MCTS1: variants seen among roughly 807,000 people sequenced by gnomAD.
The protein encoded by MCTS1 is malignant T-cell-amplified sequence 1.
For synonymous variants in MCTS1, 26 were observed against 40.8 expected (o/e 0.64, Z 1.38); for missense variants, 55 against 128.6 (o/e 0.43, Z 2.77).
rs1238755543 is a variant in MCTS1 at position 120,604,264 on chromosome X, G to A, written c.11+17G>A. ...GTTCAAGAAGTAAGGACATGCTGTG[G>A]CCTCCATCGGCTGCTCACAAAGGCG... On this transcript the variant is annotated intron_variant, in intron 1 of 5. Transcript: ENST00000371317. The A allele has an allele frequency of 8.3e-7, 1 of 1,203,207 alleles. No homozygotes were observed. Among genetic ancestry groups the A allele is most frequent in the Non-Finnish European group, 1.1e-6 (1 of 892,223 alleles).
chrX:120,605,337 A>C, intron 1 of MCTS1, 70 bp from the exon 2 acceptor site: 2 of 938,405 alleles, frequency 2.1e-6, no homozygotes, highest in Non-Finnish European at 2.9e-6. Flanking sequence ...TAATTAGAAC[A>C]GTACCTTTAG....
At chrX:120,610,754 A>G in intron 4 of MCTS1, 1 of 275,588 alleles carries the variant, frequency 3.6e-6, no homozygotes, top group Non-Finnish European at 6.5e-6. Flanking sequence ...TTTTGTTAGC[A>G]TGGGGTTATA....
In MCTS1 at chrX:120,617,168, C is replaced by T. The variant is rs1162967042; in HGVS notation, c.*4904C>T. Among the ~76,000 whole-genome samples, 1 of 111,618 alleles carries T rather than the reference C, an allele frequency of 9.0e-6. No individual in the cohort carries two copies. Among genetic ancestry groups the T allele is most frequent in the Non-Finnish European group, 1.9e-5 (1 of 53,206 alleles). On this transcript the variant is annotated 3_prime_UTR_variant, in exon 6 of 6. Transcript: ENST00000371317. ...ACAGAAAGCAAAAAATTAAACTCAT[C>T]CAACTCATACATTTGTTGTTGTTGT...
In MCTS1 at chrX:120,619,329, A is replaced by G. The variant is rs935364851; in HGVS notation, c.*7065A>G. Among the ~76,000 whole-genome samples, 6 of 111,153 alleles carry G rather than the reference A, an allele frequency of 5.4e-5. No homozygotes were observed. Among genetic ancestry groups the G allele is most frequent in the Non-Finnish European group, 1.1e-4 (6 of 53,017 alleles). ...TTTAACTGTTTAGAATTCTAGTTAAACTTGTCCAGATGAGTAAGAGGGAAG... is the reference window on the plus strand; with the variant it reads ...TTTAACTGTTTAGAATTCTAGTTAAGCTTGTCCAGATGAGTAAGAGGGAAG... On this transcript the variant is annotated 3_prime_UTR_variant, in exon 6 of 6. Transcript: ENST00000371317.
rs770685577 is a variant in MCTS1, at chrX:120,617,285, G to C, written c.*5021G>C. Reference sequence around the variant, plus strand: ...CGGCTCACTGCAACCTCTGTCTTCCGGGTTCAAGCGATTCTCCTGCCTCAG... The same window carrying C: ...CGGCTCACTGCAACCTCTGTCTTCCCGGTTCAAGCGATTCTCCTGCCTCAG... On this transcript the variant is annotated 3_prime_UTR_variant, in exon 6 of 6. Transcript: ENST00000371317. Among the ~76,000 whole-genome samples the C allele has an allele frequency of 2.4e-4, 27 of 111,370 alleles. No homozygotes were observed. Among genetic ancestry groups the C allele is most frequent in the Middle Eastern group, 9.3e-3 (2 of 215 alleles).
rs1926844374 is a variant in MCTS1, at chrX:120,616,079, TTAA to T, written c.*3820_*3822del. Among the ~76,000 whole-genome samples, 1 of 112,809 alleles carries T rather than the reference TTAA, an allele frequency of 8.9e-6. No individual in the cohort carries two copies. Among genetic ancestry groups the T allele is most frequent in the African/African-American group, 3.2e-5 (1 of 31,104 alleles). ...TTCATTATAATAAATATGTCACTTA[TTAA>T]TAATGTAGCAATTATATATTAATGG... On this transcript the variant is annotated 3_prime_UTR_variant, in exon 6 of 6. Transcript: ENST00000371317.
Position 120,604,204 on chromosome X carries a change from C to G in MCTS1, c.-33C>G. 1 of 1,207,409 alleles carries G rather than the reference C, an allele frequency of 8.3e-7. No individual in the cohort carries two copies. Among genetic ancestry groups the G allele is most frequent in the Non-Finnish European group, 1.1e-6 (1 of 892,933 alleles). On this transcript the variant is annotated 5_prime_UTR_variant, in exon 1 of 6. Transcript: ENST00000371317. ...ATTCAATTTCTTTCCCATTCCGGGC[C>G]CTTCCCTATCGTCGCCCCCTTCACC...
At chrX:120,606,243 G>A (rs1926527702) in intron 3 of MCTS1, 67 bp downstream of exon 3, 2 of 626,578 alleles carry the variant, frequency 3.2e-6, no homozygotes, top group African/African-American at 4.7e-5. Flanking sequence ...GTAAAGTCTT[G>A]TAAGAAATAT....
rs1031694142 is a variant in MCTS1 at position 120,613,499 on chromosome X, C to A, written c.*1235C>A. Among the ~76,000 whole-genome samples, 3 of 112,266 alleles carry A rather than the reference C, an allele frequency of 2.7e-5. No homozygotes were observed. The highest frequency in any genetic ancestry group is 9.7e-5 in the African/African-American group (3 of 30,907). On this transcript the variant is annotated 3_prime_UTR_variant, in exon 6 of 6. Transcript: ENST00000371317. ...GGTACCACACAAGGTTCATACATTG[C>A]ATTTGGTTGTTATTTATTGAAGTCT...
intron 4 of MCTS1, among the ~76,000 whole-genome samples, chrX:120,609,670 C>T (rs566234831): frequency 3.0e-4 from 34 of 111,628 alleles, no homozygotes; most frequent in Non-Finnish European, 5.1e-4. Context: ...AAAGTGAGGA[C>T]GGGTTTTTTG....
At chrX:120,604,356 C>T in intron 1 of MCTS1, 109 bp downstream of exon 1, 3 of 1,027,898 alleles carry the variant, frequency 2.9e-6, no homozygotes, top group Non-Finnish European at 4.0e-6. Context: ...CCCCTGCCAT[C>T]CTGACTCCCT....
At position 120,619,266 on chromosome X, in the gene MCTS1, T is replaced by C. The variant is rs1396331354; in HGVS notation, c.*7002T>C. On this transcript the variant is annotated 3_prime_UTR_variant, in exon 6 of 6. Coordinates refer to ENST00000371317, the MANE Select transcript of MCTS1 (RefSeq NM_014060.3). ...TTATTCACATCAATATTTTAACATT[T>C]TACCATCAAGATATTTAATACAAAG... 9.0e-6 allele frequency among the ~76,000 whole-genome samples: 1 copy of C among 111,324 alleles called. No individual in the cohort carries two copies. Among genetic ancestry groups the C allele is most frequent in the Non-Finnish European group, 1.9e-5 (1 of 53,082 alleles).
At chrX:120,612,153 T>C (rs2233113) in intron 5 of MCTS1, 30 bp from the exon 6 acceptor site, 217,950 of 1,032,770 alleles carry the variant, frequency 0.21, 17,046 homozygotes, top group South Asian at 0.29. Flanking sequence ...TGCATAAAAG[T>C]ATGTTTATGT....
chrX:120,604,831 G>T, intron 1 of MCTS1: 1 of 1,155,629 alleles, frequency 8.7e-7, no homozygotes, highest in East Asian at 3.3e-5. Flanking sequence ...AGATTTGGTA[G>T]ACGCAAAAAG....
At chrX:120,609,562 G>A (rs1419244635) in intron 4 of MCTS1, among the ~76,000 whole-genome samples, 2 of 111,711 alleles carry the variant, frequency 1.8e-5, no homozygotes, top group Middle Eastern at 4.2e-3. Context: ...AGTATAAGTA[G>A]TATGTTTATA....
chrX:120,611,356 A>G (rs1926682699), intron 5 of MCTS1: 2 of 214,353 alleles, frequency 9.3e-6, no homozygotes. Context: ...ATTTAGTATC[A>G]TTTAAATTGG....
chrX:120,605,267 T>C, intron 1 of MCTS1, 140 bp from the exon 2 acceptor site: 1 of 563,702 alleles, frequency 1.8e-6, no homozygotes, highest in Non-Finnish European at 2.7e-6. Context: ...GGTATTTTTT[T>C]TTAAAAGAAC....
Position 120,619,067 on chromosome X carries a change from G to C in MCTS1, c.*6803G>C, listed in dbSNP as rs1292780688. Among the ~76,000 whole-genome samples the C allele has an allele frequency of 8.9e-6, 1 of 112,193 alleles. No homozygotes were observed. The highest frequency in any genetic ancestry group is 1.9e-5 in the Non-Finnish European group (1 of 53,279). On this transcript the variant is annotated 3_prime_UTR_variant, in exon 6 of 6. Transcript: ENST00000371317. The stretch of plus-strand genomic sequence containing the variant: ...CTCTAATGTCTAATTTGTTGTGAAA[G>C]GGGAAGATGTTCTAAGCTAATGTTC...
rs761780571 is a variant in MCTS1 at position 120,604,842 on chromosome X, C to T, written c.12-565C>T. 1.0e-5 allele frequency: 12 copies of T among 1,153,566 alleles called. No individual in the cohort carries two copies. The African/African-American group carries it at 2.2e-4, about 21-fold the overall frequency. ...TTCCAGATTTGGTAGACGCAAAAAG[C>T]AAAGGGGGAACATGGGCAAAGGAAG... On this transcript the variant is annotated intron_variant, in intron 1 of 5. Coordinates refer to ENST00000371317, the MANE Select transcript of MCTS1 (RefSeq NM_014060.3).
Sources: gnomAD v4.1 joint callset for allele counts (sites outside exome capture counted in the v4.1 genomes callset) on GRCh38, gnomAD v4.1.1 for gene constraint, MANE v1.5 for transcripts, NCBI Gene and HGNC (gene_info 2026-07-23, HGNC 2026-07-21) for gene names.